The following MTA3 variants were observed in gnomAD, a reference collection of about 807,000 sequenced individuals.
MTA3 encodes the protein metastasis-associated protein MTA3.
Under a neutral mutation model 83.5 loss-of-function variants are expected in MTA3, and 34 were observed. The ratio of observed to expected loss-of-function variants is 0.41; its 90% CI spans 0.31 to 0.54. MTA3 has a LOEUF of 0.54. Ranked by LOEUF, MTA3 falls within the 20% of genes least tolerant of loss-of-function variation. The pLI is 0.33. For synonymous variants in MTA3, 303 were observed against 252.7 expected (o/e 1.20, Z -1.89); for missense variants, 761 against 726.4 (o/e 1.05, Z -0.55).
intron 8 of MTA3, 25 bp downstream of exon 8, chr2:42,659,887 G>A: frequency 6.4e-7 from 1 of 1,555,588 alleles, no homozygotes; most frequent in Non-Finnish European, 8.7e-7. Flanking sequence ...GAAATTTTGT[G>A]GGTATTTATC....
chr2:42,604,537 G>T (rs1028883819), intron 3 of MTA3, among the ~76,000 whole-genome samples: 2 of 148,928 alleles, frequency 1.3e-5, no homozygotes, highest in African/African-American at 5.0e-5. Context: ...AGTGTTGCTC[G>T]ATAATTCTTA....
At chr2:42,641,953 C>G (rs1000015181) in intron 5 of MTA3, among the ~76,000 whole-genome samples, 12 of 151,884 alleles carry the variant, frequency 7.9e-5, no homozygotes, top group Admixed American at 4.6e-4. Flanking sequence ...GATGGGTACA[C>G]TAAAAGCCCA....
intron 2 of MTA3, among the ~76,000 whole-genome samples, chr2:42,535,740 AT>A (rs1676197586): frequency 1.6e-5 from 1 of 62,306 alleles, no homozygotes; most frequent in Non-Finnish European, 3.4e-5. Context: ...CACATGCATA[AT>A]AACCCTTGGG....
chr2:42,535,018 A>G (rs1676157009), intron 2 of MTA3, among the ~76,000 whole-genome samples: 2 of 152,102 alleles, frequency 1.3e-5, no homozygotes. Flanking sequence ...CTGGATGACA[A>G]TGGAGCTGTC....
At chr2:42,648,329 A>G (rs1688407149) in intron 6 of MTA3, among the ~76,000 whole-genome samples, 1 of 152,192 alleles carries the variant, frequency 6.6e-6, no homozygotes, top group Admixed American at 6.5e-5. Context: ...GATGTTTAGG[A>G]TTTGCTGGAA....
At chr2:42,699,671 G>T (rs1467033044) in intron 11 of MTA3, among the ~76,000 whole-genome samples, 1 of 152,028 alleles carries the variant, frequency 6.6e-6, no homozygotes, top group Non-Finnish European at 1.5e-5. Flanking sequence ...CTAGGTTTCT[G>T]GCACAGTGAA....
intron 3 of MTA3, among the ~76,000 whole-genome samples, chr2:42,603,993 C>A (rs1364572190): frequency 6.6e-6 from 1 of 152,246 alleles, no homozygotes; most frequent in South Asian, 2.1e-4. Context: ...TTGTGATCCG[C>A]CTGCCTCGGT....
chr2:42,739,910 A>G (rs1668898346), intron 16 of MTA3, among the ~76,000 whole-genome samples: 1 of 152,236 alleles, frequency 6.6e-6, no homozygotes, highest in Non-Finnish European at 1.5e-5. Context: ...ATTTAGCCAC[A>G]TCTTCAGGTT....
At chr2:42,729,103 T>TTTTTTTTG (rs1668057481) in intron 16 of MTA3, among the ~76,000 whole-genome samples, 1 of 128,452 alleles carries the variant, frequency 7.8e-6, no homozygotes, top group Non-Finnish European at 1.6e-5. Flanking sequence ...TTTTTTTTTT[T>TTTTTTTTG]TTTTTTTTTT....
intron 2 of MTA3, among the ~76,000 whole-genome samples, chr2:42,558,956 T>C (rs552945497): frequency 3.9e-5 from 6 of 151,946 alleles, no homozygotes; most frequent in Admixed American, 2.6e-4. Context: ...CTGGAGCAGC[T>C]AGAGTAGAGA....
chr2:42,563,699 G>A (rs572957479), upstream of MTA3, among the ~76,000 whole-genome samples: 5 of 151,902 alleles, frequency 3.3e-5, no homozygotes, highest in East Asian at 2.0e-4. Context: ...ATCTCCTGAC[G>A]TCATGATCTG....
At chr2:42,589,712 C>T (rs780048488) in intron 3 of MTA3, among the ~76,000 whole-genome samples, 5 of 152,002 alleles carry the variant, frequency 3.3e-5, no homozygotes, top group Non-Finnish European at 7.4e-5. Flanking sequence ...GCCACCATGC[C>T]CGGCTAATTT....
At chr2:42,733,504 A>G (rs1433143408) in intron 16 of MTA3, among the ~76,000 whole-genome samples, 6 of 152,206 alleles carry the variant, frequency 3.9e-5, no homozygotes, top group Admixed American at 3.9e-4. Flanking sequence ...TTTTTGCTAT[A>G]AACTTTCCTC....
rs539844624 is a variant in MTA3 at position 42,633,233 on chromosome 2, C to T, written c.318-6940C>T. Reference sequence around the variant, plus strand: ...AGCCGAGGTTGCAGTGAGCCGAGATCGCACCACTGTATTCCAGCATGGTGA... The same window carrying T: ...AGCCGAGGTTGCAGTGAGCCGAGATTGCACCACTGTATTCCAGCATGGTGA... On this transcript the variant is annotated intron_variant, in intron 4 of 16. Coordinates refer to ENST00000405094, the MANE Select transcript of MTA3 (RefSeq NM_001330442.2). 2.0e-5 allele frequency among the ~76,000 whole-genome samples: 3 copies of T among 151,354 alleles called. No homozygotes were observed. In the South Asian group the frequency reaches 6.3e-4, roughly 32 times the overall value.
chr2:42,640,126 G>C, intron 4 of MTA3, 47 bp from the exon 5 acceptor site: 1 of 1,352,162 alleles, frequency 7.4e-7, no homozygotes. Flanking sequence ...TCACTGAGAA[G>C]GTGAGGTGGC....
intron 3 of MTA3, 57 bp from the exon 4 acceptor site, chr2:42,609,401 T>C (rs929711795): frequency 7.2e-6 from 11 of 1,529,778 alleles, no homozygotes. Flanking sequence ...TCTGTTTCAA[T>C]ATCCAAACAG....
At chr2:42,609,405 C>G (rs1157424117) in intron 3 of MTA3, 53 bp from the exon 4 acceptor site, 4 of 1,531,708 alleles carry the variant, frequency 2.6e-6, no homozygotes, top group Non-Finnish European at 2.7e-6. Flanking sequence ...TTTCAATATC[C>G]AAACAGATAA....
intron 4 of MTA3, among the ~76,000 whole-genome samples, chr2:42,613,425 G>A (rs918025900): frequency 2.0e-5 from 3 of 152,184 alleles, no homozygotes; most frequent in Non-Finnish European, 4.4e-5. Context: ...ATGGGGTTAG[G>A]GGCAGTCCCT....
At chr2:42,631,243 G>A (rs1422758753) in intron 4 of MTA3, among the ~76,000 whole-genome samples, 1 of 152,174 alleles carries the variant, frequency 6.6e-6, no homozygotes, top group Non-Finnish European at 1.5e-5. Flanking sequence ...TCTTAAGATT[G>A]CTAGTAGGAG....
Sources: allele counts gnomAD v4.1 joint callset (sites outside exome capture counted in the v4.1 genomes callset), GRCh38; gene constraint gnomAD v4.1.1; transcripts MANE v1.5; gene names NCBI Gene and HGNC (gene_info 2026-07-23, HGNC 2026-07-21).